Variants in XRCC4 observed in about 807,000 individuals in gnomAD.
The protein encoded by XRCC4 is X-ray repair cross complementing 4.
Under a neutral mutation model 39.1 loss-of-function variants are expected in XRCC4, and 28 were observed. That is an observed-to-expected ratio of 0.72 (90% CI 0.53 to 0.98). XRCC4 has a LOEUF of 0.98. Among genes scored for constraint, XRCC4 ranks in the 50% least tolerant of loss-of-function variants. The pLI is 0.00. For synonymous variants in XRCC4, 123 were observed against 126.4 expected, an observed-to-expected ratio of 0.97 and a Z score of 0.18; for missense variants, 350 against 376.4, an observed-to-expected ratio of 0.93 and a Z score of 0.58.
chr5:83,163,062 T>C (rs1749297086), intron 3 of XRCC4, among the ~76,000 whole-genome samples: 1 of 151,580 alleles, frequency 6.6e-6, no homozygotes, highest in Non-Finnish European at 1.5e-5. Flanking sequence ...CAATTCTGCC[T>C]CAGCCTCATG....
intron 3 of XRCC4, among the ~76,000 whole-genome samples, chr5:83,162,527 C>T (rs2112588846): frequency 6.6e-6 from 1 of 152,290 alleles, no homozygotes; most frequent in Admixed American, 6.5e-5. Flanking sequence ...TCTTCAACTG[C>T]TTTGCTTATT....
intron 1 of XRCC4, among the ~76,000 whole-genome samples, chr5:83,102,923 G>A (rs1055472288): frequency 2.0e-5 from 3 of 149,604 alleles, no homozygotes; most frequent in African/African-American, 7.4e-5. Context: ...GTGATCTTGG[G>A]TATTAAACTT....
At chr5:83,210,767 G>A (rs1169662613) in intron 6 of XRCC4, among the ~76,000 whole-genome samples, 1 of 152,180 alleles carries the variant, frequency 6.6e-6, no homozygotes, top group Non-Finnish European at 1.5e-5. Context: ...TAGGTAGCTT[G>A]TGGAGAAACT....
chr5:83,254,811 G>A (rs981811734), intron 6 of XRCC4, among the ~76,000 whole-genome samples: 4 of 152,172 alleles, frequency 2.6e-5, no homozygotes, highest in Non-Finnish European at 5.9e-5. Context: ...TGTAGACCAG[G>A]CGCGGTGGCT....
intron 6 of XRCC4, among the ~76,000 whole-genome samples, chr5:83,255,089 A>AG (rs1456719378): frequency 6.7e-6 from 1 of 150,344 alleles, no homozygotes; most frequent in Admixed American, 6.6e-5. Context: ...TTCCGTCTCA[A>AG]AAAAGAAAAA....
chr5:83,232,729 A>G (rs2112820871), intron 6 of XRCC4, among the ~76,000 whole-genome samples: 1 of 152,286 alleles, frequency 6.6e-6, no homozygotes, highest in Non-Finnish European at 1.5e-5. Context: ...GAGCAAAGCT[A>G]TTAAATCTTG....
rs28360102 is a variant in XRCC4, at chr5:83,171,004, C to T, written c.316-24766C>T. Among the ~76,000 whole-genome samples the T allele has an allele frequency of 4.2e-3, 642 of 152,058 alleles. 6 individuals are homozygous for T. The highest frequency in any genetic ancestry group is 0.015 in the African/African-American group (614 of 41,486). On this transcript the variant is annotated intron_variant, in intron 3 of 7. Coordinates refer to ENST00000396027, the MANE Select transcript of XRCC4 (RefSeq NM_003401.5). The stretch of plus-strand genomic sequence containing the variant: ...CTCTAGTTTCAGAAAAGGAAAAATC[C>T]CTATCTTGTTCTAAGTCCGAATTCT...
chr5:83,090,746 T>C (rs1272638878), intron 1 of XRCC4, among the ~76,000 whole-genome samples: 2 of 152,184 alleles, frequency 1.3e-5, no homozygotes, highest in Non-Finnish European at 2.9e-5. Flanking sequence ...AGCTGTTCCT[T>C]ATGAGTAACA....
intron 1 of XRCC4, among the ~76,000 whole-genome samples, chr5:83,080,857 C>T (rs1744906292): frequency 1.3e-5 from 2 of 152,150 alleles, no homozygotes. Flanking sequence ...AAGTTCTCCA[C>T]TTAATAAGGA....
intron 7 of XRCC4, among the ~76,000 whole-genome samples, chr5:83,343,443 T>G (rs1449538624): frequency 6.6e-6 from 1 of 152,150 alleles, no homozygotes; most frequent in Non-Finnish European, 1.5e-5. Context: ...AACATAGCAG[T>G]ATTCTTCCAG....
At chr5:83,303,318 G>T in intron 7 of XRCC4, among the ~76,000 whole-genome samples, 1 of 151,654 alleles carries the variant, frequency 6.6e-6, no homozygotes. Context: ...AAAATTAAGT[G>T]AAAGATATTT....
intron 6 of XRCC4, among the ~76,000 whole-genome samples, chr5:83,255,083 G>A (rs541226330): frequency 4.3e-5 from 6 of 139,884 alleles, no homozygotes; most frequent in South Asian, 4.6e-4. Context: ...GCAAAATTCC[G>A]TCTCAAAAAA....
At chr5:83,125,443 T>C (rs141992872) in intron 3 of XRCC4, among the ~76,000 whole-genome samples, 2 of 152,396 alleles carry the variant, frequency 1.3e-5, no homozygotes, top group African/African-American at 4.8e-5. Flanking sequence ...TAATCTATTT[T>C]GAATTCCTTT....
At chr5:83,154,475 A>G (rs1434815288) in intron 3 of XRCC4, among the ~76,000 whole-genome samples, 3 of 152,210 alleles carry the variant, frequency 2.0e-5, no homozygotes, top group African/African-American at 7.2e-5. Flanking sequence ...AAGAATCTGT[A>G]TCTGAAGCAC....
At position 83,299,561 on chromosome 5, in the gene XRCC4, G is replaced by A. The variant is rs28746473; in HGVS notation, c.893+40884G>A. Among the ~76,000 whole-genome samples the A allele has an allele frequency of 2.9e-3, 434 of 152,080 alleles. 10 individuals carry two copies. In the East Asian group the frequency reaches 0.071, roughly 25 times the overall value. On this transcript the variant is annotated intron_variant, in intron 7 of 7. Coordinates refer to ENST00000396027, the MANE Select transcript of XRCC4 (RefSeq NM_003401.5). ...TATATCTTCTCACTCTGTTTTCCAT[G>A]TATTTTAACCTCTCTTTTATGTTTG...
intron 1 of XRCC4, among the ~76,000 whole-genome samples, chr5:83,086,323 A>G (rs1363002050): frequency 6.6e-6 from 1 of 152,204 alleles, no homozygotes; most frequent in African/African-American, 2.4e-5. Context: ...AAACTTAACT[A>G]CTAATAGTTT....
chr5:83,293,402 C>T (rs1263454217), intron 7 of XRCC4, among the ~76,000 whole-genome samples: 12 of 152,004 alleles, frequency 7.9e-5, no homozygotes. Flanking sequence ...TTCATCCCTT[C>T]ACATTTCTTC....
the XRCC4 span, among the ~76,000 whole-genome samples, chr5:83,367,976 A>C: frequency 2.6e-5 from 4 of 151,894 alleles, no homozygotes; most frequent in African/African-American, 7.3e-5. Context: ...ACTGGTTCAG[A>C]TGCTGTATGG....
intron 6 of XRCC4, among the ~76,000 whole-genome samples, chr5:83,246,967 G>A (rs1317464807): frequency 6.6e-6 from 1 of 152,152 alleles, no homozygotes; most frequent in Non-Finnish European, 1.5e-5. Context: ...TCATAGTGGA[G>A]TGACATACAT....
Sources: allele counts gnomAD v4.1 joint callset (sites outside exome capture counted in the v4.1 genomes callset), GRCh38; gene constraint gnomAD v4.1.1; transcripts MANE v1.5; gene names NCBI Gene and HGNC (gene_info 2026-07-23, HGNC 2026-07-21).